Variants in ATG2B observed in about 807,000 individuals in gnomAD.
The protein encoded by ATG2B is autophagy-related protein 2 homolog B.
A neutral mutation model predicts 241.3 loss-of-function variants in ATG2B; 121 were observed. The observed-to-expected ratio is 0.50, with a 90% confidence interval of 0.43 to 0.58. ATG2B has a LOEUF of 0.58. ATG2B is among the 20% of genes least tolerant of loss of function. The pLI, the probability that ATG2B is intolerant of heterozygous loss-of-function variation, is 0.00. For synonymous variants in ATG2B, 858 were observed against 876.6 expected, an observed-to-expected ratio of 0.98 and a Z score of 0.37; for missense variants, 2,306 against 2,491.6, an observed-to-expected ratio of 0.93 and a Z score of 1.59.
intron 37 of ATG2B, 94 bp from the exon 38 acceptor site, chr14:96,291,776 AT>A: frequency 1.1e-6 from 1 of 897,322 alleles, no homozygotes; most frequent in Non-Finnish European, 1.8e-6. Flanking sequence ...AGCAGTAGTC[AT>A]TATTGATACT....
intron 29 of ATG2B, among the ~76,000 whole-genome samples, chr14:96,308,270 A>ATG (rs1555365544): frequency 0.025 from 702 of 27,874 alleles, 21 homozygotes; most frequent in Middle Eastern, 0.033. Context: ...ATATATATAT[A>ATG]TATATATATA....
At chr14:96,329,663 T>G (rs777516474) in intron 11 of ATG2B, 29 bp from the exon 12 acceptor site, 4 of 1,431,624 alleles carry the variant, frequency 2.8e-6, no homozygotes, top group Non-Finnish European at 3.9e-6. Context: ...CATTTAAGAT[T>G]ATTAGTGTTA....
At chr14:96,356,785 T>A (rs1250105782) in intron 1 of ATG2B, among the ~76,000 whole-genome samples, 1 of 151,870 alleles carries the variant, frequency 6.6e-6, no homozygotes, top group East Asian at 1.9e-4. Context: ...AAATATAAAG[T>A]CAGAAAGACA....
Position 96,315,499 on chromosome 14 carries a change from G to A in ATG2B, c.3446C>T (p.Ser1149Phe). ...TTTACTGAGGCCATCTTCTTCAGAG[G>A]AATAAATAGTAGGTTCCAACCAGTG... is the stretch of plus-strand genomic sequence containing the variant. Reference protein sequence around the residue: ...RPHWLEPTIYSSEEDGLSKTS... With the variant: ...RPHWLEPTIYFSEEDGLSKTS... Residue 1149 changes from serine (S) to phenylalanine (F), a missense_variant, in exon 22 of 42, where the codon TCC (serine) becomes TTC (phenylalanine). Ser to Phe is a radical substitution (Grantham distance 155). Coordinates refer to ENST00000359933, the MANE Select transcript of ATG2B (RefSeq NM_018036.7). 1 of 1,614,150 alleles carries A rather than the reference G, an allele frequency of 6.2e-7. No homozygotes were observed. Among genetic ancestry groups the A allele is most frequent in the Non-Finnish European group, 8.5e-7 (1 of 1,180,022 alleles).
chr14:96,307,878 A>G (rs956634894), intron 29 of ATG2B, among the ~76,000 whole-genome samples: 3 of 152,120 alleles, frequency 2.0e-5, no homozygotes, highest in Non-Finnish European at 2.9e-5. Context: ...ATATGTTTAC[A>G]TTACATATTA....
chr14:96,330,985 T>G (rs897017620), intron 11 of ATG2B, among the ~76,000 whole-genome samples: 1 of 152,208 alleles, frequency 6.6e-6, no homozygotes, highest in Non-Finnish European at 1.5e-5. Flanking sequence ...TCCAATAGTA[T>G]TATTTTATTT....
intron 1 of ATG2B, among the ~76,000 whole-genome samples, chr14:96,347,805 T>C (rs1888209019): frequency 6.6e-6 from 1 of 152,158 alleles, no homozygotes; most frequent in Non-Finnish European, 1.5e-5. Flanking sequence ...ACAGTTAAAA[T>C]GGCTTCTATC....
chr14:96,347,374 C>G, intron 1 of ATG2B, 33 bp from the exon 2 acceptor site: 1 of 1,495,888 alleles, frequency 6.7e-7, no homozygotes, highest in Non-Finnish European at 9.1e-7. Flanking sequence ...TTATGAATCA[C>G]AAGAACAAGA....
intron 10 of ATG2B, 91 bp downstream of exon 10, chr14:96,332,214 G>GAAAA: frequency 9.7e-6 from 8 of 826,916 alleles, no homozygotes; most frequent in Admixed American, 6.0e-5. Context: ...GCCAAGACCA[G>GAAAA]AAAAAAAAAA....
At chr14:96,293,774 AT>A (rs2139839125) in intron 36 of ATG2B, among the ~76,000 whole-genome samples, 1 of 152,338 alleles carries the variant, frequency 6.6e-6, no homozygotes, top group African/African-American at 2.4e-5. Flanking sequence ...AATGGAAAAA[AT>A]AAACATTTAC....
intron 1 of ATG2B, among the ~76,000 whole-genome samples, chr14:96,348,973 T>C (rs1888243769): frequency 6.6e-6 from 1 of 152,148 alleles, no homozygotes. Context: ...CGGTCCTCAC[T>C]AAGCTTACAA....
In ATG2B at chr14:96,282,947, T is replaced by C. The variant is rs540226992; in HGVS notation, c.*2808A>G. The C allele has an allele frequency of 6.6e-6, 1 of 152,334 alleles. No homozygotes were observed. The highest frequency in any genetic ancestry group is 1.9e-4 in the East Asian group (1 of 5,192). The allele number at this position is 152,334 out of a possible 1,614,324, so 9.4% of individuals were successfully genotyped here. Reference sequence around the variant, plus strand: ...CCTTATAAAAATATTGATAAATATATGTACTTAAGCGAGAATCCAAATCGT... The same window carrying C: ...CCTTATAAAAATATTGATAAATATACGTACTTAAGCGAGAATCCAAATCGT... On this transcript the variant is annotated 3_prime_UTR_variant, in exon 42 of 42. Transcript: ENST00000359933.
At chr14:96,350,816 T>C (rs1406493009) in intron 1 of ATG2B, among the ~76,000 whole-genome samples, 1 of 152,124 alleles carries the variant, frequency 6.6e-6, no homozygotes, top group Non-Finnish European at 1.5e-5. Context: ...GCATGGATGG[T>C]TTTAAGGTAT....
chr14:96,341,273 C>T (rs890032225), intron 6 of ATG2B, among the ~76,000 whole-genome samples: 5 of 152,008 alleles, frequency 3.3e-5, no homozygotes, highest in African/African-American at 7.2e-5. Flanking sequence ...TGTCGGAATA[C>T]GGGAGAGTGA....
At chr14:96,345,858 T>C (rs1301366547) in intron 2 of ATG2B, among the ~76,000 whole-genome samples, 1 of 152,142 alleles carries the variant, frequency 6.6e-6, no homozygotes, top group Non-Finnish European at 1.5e-5. Flanking sequence ...CAAATAAGCA[T>C]GGCTGTGTTC....
intron 34 of ATG2B, among the ~76,000 whole-genome samples, chr14:96,297,818 G>A (rs1886689192): frequency 6.6e-6 from 1 of 151,910 alleles, no homozygotes; most frequent in South Asian, 2.1e-4. Context: ...ACAGATGGGG[G>A]TCTCGCTCTG....
chr14:96,333,198 ATGT>A (rs1202971830), intron 8 of ATG2B, among the ~76,000 whole-genome samples: 3 of 152,116 alleles, frequency 2.0e-5, no homozygotes. Context: ...CATATTATTT[ATGT>A]TATTAGCATT....
rs757200768 is a variant in ATG2B at position 96,317,117 on chromosome 14, A to C, written c.3210+28T>G. ...TTTATTTAAAGTAAGATACATTTGA[A>C]AAAACACTTCGGATTTGTAAACCTC... is the stretch of plus-strand genomic sequence containing the variant. On this transcript the variant is annotated intron_variant, in intron 20 of 41. Coordinates refer to ENST00000359933, the MANE Select transcript of ATG2B (RefSeq NM_018036.7). 41 of 1,571,826 alleles carry C rather than the reference A, an allele frequency of 2.6e-5. No individual in the cohort carries two copies. The South Asian group carries it at 4.7e-4, about 18-fold the overall frequency.
rs773984669 is a variant in ATG2B, at chr14:96,311,609, C to T, written c.3923G>A (p.Arg1308His). The change falls in exon 27 of 42, where the codon CGT (arginine) becomes CAT (histidine). Residue 1308 changes from arginine (R) to histidine (H), a missense_variant. Physicochemically the swap from Arg to His is conservative, Grantham distance 29. Coordinates refer to ENST00000359933, the MANE Select transcript of ATG2B (RefSeq NM_018036.7). ...CTCCAAAAGCCCCATATCCATCACA[C>T]GAACATAATCTAAAATTTTTAAAAT... The part of the protein sequence containing the change: ...VTINLSRDYV[R>H]VMDMGLLELT... 1.5e-5 allele frequency: 24 copies of T among 1,605,554 alleles called. No individual in the cohort carries two copies. Among genetic ancestry groups the T allele is most frequent in the East Asian group, 9.0e-5 (4 of 44,644 alleles).
Sources: gnomAD v4.1 joint callset for allele counts (sites outside exome capture counted in the v4.1 genomes callset) on GRCh38, gnomAD v4.1.1 for gene constraint, MANE v1.5 for transcripts, NCBI Gene and HGNC (gene_info 2026-07-23, HGNC 2026-07-21) for gene names.